TEX9: variants seen among roughly 807,000 people sequenced by gnomAD.
TEX9 encodes the protein testis expressed 9.
A neutral mutation model predicts 59.6 loss-of-function variants in TEX9; 74 were observed. That is an observed-to-expected ratio of 1.24 (90% confidence interval 1.03 to 1.51). TEX9 has a LOEUF of 1.51. Ranked by LOEUF, TEX9 falls within the 40% of genes most tolerant of loss-of-function variation. The pLI is 0.00. For missense variants in TEX9, 522 were observed against 447.8 expected (o/e 1.17, Z -1.49); for synonymous variants, 186 against 152.2 (o/e 1.22, Z -1.64).
chr15:56,268,359 A>G (rs1460470103), intron 1 of TEX9, among the ~76,000 whole-genome samples: 1 of 152,132 alleles, frequency 6.6e-6, no homozygotes, highest in African/African-American at 2.4e-5. Context: ...TTCCAACACT[A>G]TGTTGAGTAA....
intron 2 of TEX9, 92 bp from the exon 3 acceptor site, chr15:56,373,349 T>A: frequency 8.1e-7 from 1 of 1,229,804 alleles, no homozygotes; most frequent in Non-Finnish European, 1.1e-6. Flanking sequence ...TGGCATTTGT[T>A]GATTACGTCA....
In TEX9 at chr15:56,249,268, T is replaced by A. The variant is rs140484108; in HGVS notation, c.-107+4990T>A. Reference sequence around the variant, plus strand: ...AAAGTTGTCTGACAAGAGCTCTCTCTTAGGCAACTCCAGGGGGCACCATTC... The same window carrying A: ...AAAGTTGTCTGACAAGAGCTCTCTCATAGGCAACTCCAGGGGGCACCATTC... On this transcript the variant is annotated intron_variant, in intron 1 of 5. Transcript: ENST00000560827. The A allele has an allele frequency of 1.4e-4, 22 of 152,266 alleles. No individual in the cohort carries two copies. In the East Asian group the frequency reaches 4.3e-3, roughly 29 times the overall value. The allele number at this position is 152,266 out of a possible 1,614,324, so 9.4% of individuals were successfully genotyped here.
chr15:56,455,247 GAAAAAAAAA>G, the TEX9 span, among the ~76,000 whole-genome samples: 2 of 82,914 alleles, frequency 2.4e-5, no homozygotes, highest in Admixed American at 1.3e-4. Flanking sequence ...ATCGTCAGGT[GAAAAAAAAA>G]AAAAAAAAAA....
At chr15:56,246,635 G>T (rs1313073114) in intron 1 of TEX9, among the ~76,000 whole-genome samples, 1 of 152,118 alleles carries the variant, frequency 6.6e-6, no homozygotes, top group Non-Finnish European at 1.5e-5. Context: ...GAATCAATGT[G>T]GCTCATTTTC....
Position 56,244,952 on chromosome 15 carries a change from G to A in TEX9, c.-107+674G>A, listed in dbSNP as rs1391704161. 1.1e-4 allele frequency among the ~76,000 whole-genome samples: 16 copies of A among 152,310 alleles called. 1 individual carries two copies. Among genetic ancestry groups the A allele is most frequent in the Non-Finnish European group, 4.4e-5 (3 of 68,018 alleles). On this transcript the variant is annotated intron_variant, in intron 1 of 5. Transcript: ENST00000560827. ...CGTGGATGTAGAATACAACAGCCAA[G>A]GCCTCTGGCACCAAATGGAACAGCT...
At position 56,389,247 on chromosome 15, in the gene TEX9, G is replaced by A. The variant is rs1190449254; in HGVS notation, c.313-71G>A. 9 of 1,209,852 alleles carry A rather than the reference G, an allele frequency of 7.4e-6. No individual in the cohort carries two copies. In the African/African-American group the frequency reaches 9.1e-5, roughly 12 times the overall value. The allele number at this position is 1,209,852 out of a possible 1,614,324, so 74.9% of individuals were successfully genotyped here. On this transcript the variant is annotated intron_variant, in intron 5 of 12. Coordinates refer to ENST00000352903, the Ensembl canonical transcript of TEX9. Reference sequence around the variant, plus strand: ...TTTTCTGTGTAGCAAAATTCTATGTGTTACAGAATTGCTTTCTTTGGCAAA... The same window carrying A: ...TTTTCTGTGTAGCAAAATTCTATGTATTACAGAATTGCTTTCTTTGGCAAA...
chr15:56,256,692 G>A (rs1391802599), intron 1 of TEX9, among the ~76,000 whole-genome samples: 7 of 151,974 alleles, frequency 4.6e-5, no homozygotes, highest in East Asian at 1.9e-4. Flanking sequence ...ATTAGAAGGG[G>A]ATATAATTAT....
intron 1 of TEX9, among the ~76,000 whole-genome samples, chr15:56,270,343 A>G (rs961211708): frequency 1.3e-5 from 2 of 152,154 alleles, no homozygotes. Context: ...TATTGGGTGC[A>G]TATATATTTA....
At chr15:56,308,730 A>G (rs1157964825) in intron 1 of TEX9, among the ~76,000 whole-genome samples, 2 of 152,066 alleles carry the variant, frequency 1.3e-5, no homozygotes, top group African/African-American at 4.8e-5. Flanking sequence ...ATTTTTGTAT[A>G]GTGTATGAGG....
chr15:56,427,355 A>AGCT (rs1421584531), intron 10 of TEX9, among the ~76,000 whole-genome samples: 1 of 152,182 alleles, frequency 6.6e-6, no homozygotes, highest in Non-Finnish European at 1.5e-5. Context: ...GTTCAATACA[A>AGCT]GCTACTTTGC....
chr15:56,249,594 C>T (rs1262360461), intron 1 of TEX9, among the ~76,000 whole-genome samples: 8 of 151,274 alleles, frequency 5.3e-5, no homozygotes, highest in Non-Finnish European at 1.2e-4. Flanking sequence ...AAAAATTAGC[C>T]GGGCATGATG....
intron 12 of TEX9, 50 bp downstream of exon 12, chr15:56,430,204 CTG>C (rs1298476961): frequency 6.6e-6 from 1 of 152,024 alleles, no homozygotes; most frequent in Non-Finnish European, 1.5e-5. Context: ...GCCTATGAAA[CTG>C]TTATTACTTT....
chr15:56,282,279 G>A (rs2044836796), intron 1 of TEX9, among the ~76,000 whole-genome samples: 1 of 151,900 alleles, frequency 6.6e-6, no homozygotes, highest in Non-Finnish European at 1.5e-5. Flanking sequence ...GATGCCAAAA[G>A]GACATTTAAT....
chr15:56,246,538 T>G (rs2043861872), intron 1 of TEX9, among the ~76,000 whole-genome samples: 1 of 152,176 alleles, frequency 6.6e-6, no homozygotes, highest in Non-Finnish European at 1.5e-5. Flanking sequence ...GGACCCTGAA[T>G]AAAGGCAGGA....
At chr15:56,450,369 T>G (rs1415751790), downstream of TEX9, among the ~76,000 whole-genome samples, 1 of 152,154 alleles carries the variant, frequency 6.6e-6, no homozygotes, top group African/African-American at 2.4e-5. Context: ...CCAAAACTTT[T>G]TCATTCCCCC....
At chr15:56,436,768 A>C (rs2050733046) in intron 12 of TEX9, among the ~76,000 whole-genome samples, 1 of 152,200 alleles carries the variant, frequency 6.6e-6, no homozygotes, top group African/African-American at 2.4e-5. Context: ...AAAATGATAA[A>C]GGGGATATCA....
At chr15:56,320,868 A>T (rs577827466) in intron 1 of TEX9, among the ~76,000 whole-genome samples, 19 of 152,306 alleles carry the variant, frequency 1.2e-4, no homozygotes, top group African/African-American at 4.6e-4. Flanking sequence ...CTTTGGACAC[A>T]TATCTCCCTC....
At chr15:56,246,214 G>C (rs962781065) in intron 1 of TEX9, among the ~76,000 whole-genome samples, 4 of 152,202 alleles carry the variant, frequency 2.6e-5, no homozygotes, top group African/African-American at 9.7e-5. Context: ...AGCTGCAGCC[G>C]CGGGCTGCCC....
rs185722888 is a variant in TEX9 at position 56,398,903 on chromosome 15, G to A, written c.828+4069G>A. The stretch of plus-strand genomic sequence containing the variant: ...AATCCCAGCACTTTGGGAGGCCAAG[G>A]CAGGTGGATCATGAGGTCAGGAGAT... On this transcript the variant is annotated intron_variant, in intron 9 of 12. Transcript: ENST00000352903. 2.6e-5 allele frequency among the ~76,000 whole-genome samples: 4 copies of A among 152,336 alleles called. No homozygotes were observed. In the East Asian group the frequency reaches 7.7e-4, roughly 29 times the overall value.
Sources: allele counts gnomAD v4.1 joint callset (sites outside exome capture counted in the v4.1 genomes callset), GRCh38; gene constraint gnomAD v4.1.1; transcripts MANE v1.5; gene names NCBI Gene and HGNC (gene_info 2026-07-23, HGNC 2026-07-21).